TCF20: variants seen among roughly 807,000 people sequenced by gnomAD.
TCF20 encodes SPRE-binding protein.
In TCF20, 3 loss-of-function variants were observed where a neutral mutation model predicts 148.6. The observed-to-expected ratio is 0.02, with a 90% CI of 0.01 to 0.05. The LOEUF is 0.05. Among genes scored for constraint, TCF20 ranks in the 10% least tolerant of loss-of-function variants. The pLI, the probability that TCF20 is intolerant of heterozygous loss-of-function variation, is 1.00. For synonymous variants in TCF20, 1,049 were observed against 909.5 expected, an observed-to-expected ratio of 1.15 and a Z score of -2.76; for missense variants, 2,350 against 2,429.3, an observed-to-expected ratio of 0.97 and a Z score of 0.69.
At chr22:42,324,615 C>T (rs1601707375) in intron 1 of TCF20, among the ~76,000 whole-genome samples, 1 of 151,914 alleles carries the variant, frequency 6.6e-6, no homozygotes, top group Non-Finnish European at 1.5e-5. Flanking sequence ...AGATAATCTC[C>T]ACCATCCGAG....
At chr22:42,271,326 C>T (rs944686472), upstream of TCF20, among the ~76,000 whole-genome samples, 1 of 152,250 alleles carries the variant, frequency 6.6e-6, no homozygotes, top group Non-Finnish European at 1.5e-5. Context: ...CTCCAGCTGC[C>T]TTCTGCTGCG....
At chr22:42,341,494 C>T (rs1296011570) in intron 1 of TCF20, among the ~76,000 whole-genome samples, 1 of 152,106 alleles carries the variant, frequency 6.6e-6, no homozygotes, top group Admixed American at 6.5e-5. Context: ...AGGACCTGGG[C>T]CCCTGAACTC....
chr22:42,277,706 T>G (rs1310106673), intron 1 of TCF20, among the ~76,000 whole-genome samples: 1 of 152,150 alleles, frequency 6.6e-6, no homozygotes, highest in Admixed American at 6.5e-5. Context: ...AAAGAGGAGA[T>G]GATGAAGGAT....
At chr22:42,223,430 T>C (rs1228154680) in intron 1 of TCF20, among the ~76,000 whole-genome samples, 1 of 152,174 alleles carries the variant, frequency 6.6e-6, no homozygotes, top group Non-Finnish European at 1.5e-5. Flanking sequence ...GACACACACT[T>C]GGGTCAGATC....
rs1927423346 is a variant in TCF20 at position 42,305,922 on chromosome 22, G to A, written c.-37+37557C>T. ...GCACTGGCAGCCGTGGAGGGCAGGG[G>A]TGCTCCTGGGGGCTCGGAGACCTCT... On this transcript the variant is annotated intron_variant, in intron 1 of 1. Coordinates refer to the TCF20 transcript ENST00000515426. 2.0e-5 allele frequency among the ~76,000 whole-genome samples: 3 copies of A among 152,214 alleles called. No homozygotes were observed. The South Asian group carries it at 6.2e-4, about 31-fold the overall frequency.
chr22:42,220,082 G>A (rs567029824), intron 1 of TCF20, among the ~76,000 whole-genome samples: 2 of 152,154 alleles, frequency 1.3e-5, no homozygotes, highest in South Asian at 4.2e-4. Flanking sequence ...CCTATTAGAG[G>A]GCTGATGACC....
chr22:42,215,406 G>C (rs1022115446), intron 1 of TCF20, 65 bp from the exon 2 acceptor site: 2 of 1,491,880 alleles, frequency 1.3e-6, no homozygotes, highest in African/African-American at 2.8e-5. Context: ...ATCAAGTCTA[G>C]ATGATGGAGG....
intron 5 of TCF20, among the ~76,000 whole-genome samples, chr22:42,165,330 C>A (rs571360291): frequency 3.3e-5 from 5 of 152,372 alleles, no homozygotes; most frequent in African/African-American, 1.2e-4. Context: ...GGGTACATAG[C>A]ATCCAGGATG....
chr22:42,180,657 G>A (rs773917530), intron 2 of TCF20, among the ~76,000 whole-genome samples: 3 of 152,120 alleles, frequency 2.0e-5, no homozygotes, highest in East Asian at 1.9e-4. Flanking sequence ...TCAGGCCCCC[G>A]ACACAGATAC....
chr22:42,342,705 C>T (rs910073868), intron 1 of TCF20, among the ~76,000 whole-genome samples: 5 of 152,214 alleles, frequency 3.3e-5, no homozygotes, highest in Admixed American at 6.5e-5. Context: ...CAGAGCCCGA[C>T]CCTACTTCCG....
At chr22:42,189,453 C>A (rs1463424330) in intron 2 of TCF20, among the ~76,000 whole-genome samples, 3 of 152,212 alleles carry the variant, frequency 2.0e-5, no homozygotes, top group African/African-American at 7.2e-5. Flanking sequence ...AAAATCTCAA[C>A]TGGTCAGGAA....
In TCF20 at chr22:42,210,201, T is replaced by C. The variant is rs1472645891; in HGVS notation, c.5105A>G (p.His1702Arg). 10 of 1,614,118 alleles carry C rather than the reference T, an allele frequency of 6.2e-6. No homozygotes were observed. In the East Asian group the frequency reaches 6.7e-5, roughly 11 times the overall value. Residue 1702 changes from histidine to arginine, a missense_variant, in exon 2 of 6, where the codon CAC becomes CGC. His to Arg is a conservative substitution (Grantham distance 29). Around this residue, in one of 7 missense-constraint regions of TCF20, gnomAD observed 374 missense variants for 398.3 expected, o/e 0.94. Coordinates refer to ENST00000677622, the MANE Select transcript of TCF20 (RefSeq NM_001378418.1). This position sits in a 1 kb window ranked among gnomAD's most constrained non-coding sequence, Gnocchi z 4.7. ...CTTGCCACACAGACAGCAAACCAGGTGCCCCATAACCGAAGACTCTGTCAC... is the reference window on the plus strand; with the variant it reads ...CTTGCCACACAGACAGCAAACCAGGCGCCCCATAACCGAAGACTCTGTCAC... ...PVVTESSVMG[H>R]LVCCLCGKWA...
chr22:42,282,341 C>G (rs907815378), intron 1 of TCF20, among the ~76,000 whole-genome samples: 3 of 152,242 alleles, frequency 2.0e-5, no homozygotes, highest in African/African-American at 7.2e-5. Context: ...CCTGCCTGAG[C>G]CCTGTGGCAG....
chr22:42,194,839 A>C (rs1371951189), intron 2 of TCF20, among the ~76,000 whole-genome samples: 4 of 151,896 alleles, frequency 2.6e-5, no homozygotes, highest in Non-Finnish European at 4.4e-5. Context: ...TGGGGAGGGC[A>C]GGCCTCTGAG....
Position 42,213,946 on chromosome 22 carries a change from T to A in TCF20, c.1360A>T (p.Ser454Cys). Residue 454 changes from serine to cysteine, a missense_variant, in exon 2 of 6, where the codon AGT becomes TGT. Around this residue, in one of 7 missense-constraint regions of TCF20, gnomAD observed 1,641 missense variants for 1,662.6 expected, o/e 0.99. Coordinates refer to ENST00000677622, the MANE Select transcript of TCF20 (RefSeq NM_001378418.1). ...TGAGTACTCAGAGCACTCAAACTAC[T>A]CAACCCAGGATCTGTCAGTCGCTTT... ...PEKRLTDPGL[S>C]SLSALSTQVA... 1 of 1,614,180 alleles carries A rather than the reference T, an allele frequency of 6.2e-7. No individual in the cohort carries two copies. Among genetic ancestry groups the A allele is most frequent in the Non-Finnish European group, 8.5e-7 (1 of 1,180,018 alleles).
intron 3 of TCF20, among the ~76,000 whole-genome samples, chr22:42,174,031 C>G (rs937433500): frequency 5.9e-5 from 9 of 152,144 alleles, no homozygotes; most frequent in Admixed American, 5.9e-4. Flanking sequence ...TAATGAGGGT[C>G]CTGCGCTTCT....
In TCF20 at chr22:42,188,293, C is replaced by CAAAAAAAAAAAA. The variant is rs58945649; in HGVS notation, c.5656-8603_5656-8592dup. On this transcript the variant is annotated intron_variant, in intron 2 of 5. Transcript: ENST00000677622. ...GGGCAACAAGAGTGAAACTCCGTCT[C>CAAAAAAAAAAAA]AAAAAAAAAAAAAAAAAAAAAAAAA... Among the ~76,000 whole-genome samples the CAAAAAAAAAAAA allele has an allele frequency of 9.3e-3, 461 of 49,428 alleles. 115 individuals carry two copies. Among genetic ancestry groups the CAAAAAAAAAAAA allele is most frequent in the Non-Finnish European group, 0.014 (331 of 23,466 alleles). 32.4% of individuals were successfully genotyped at this position (49,428 alleles called of 152,430 possible). A position where few individuals can be genotyped will look rare whatever the true frequency, so the allele number is the denominator to read the frequency against.
In TCF20 at chr22:42,212,370, C is replaced by T; in HGVS notation, c.2936G>A (p.Gly979Asp). ...AATHDSLSDYGPQDSRPTPMR... is the reference protein window; with the variant it reads ...AATHDSLSDYDPQDSRPTPMR... ...TGGCGTGGGTCTGCTGTCTTGCGGG[C>T]CATAGTCTGAAAGGGAATCATGGGT... Residue 979 changes from glycine (G) to aspartate (D), a missense_variant, in exon 2 of 6, where the codon GGC becomes GAC. Gly to Asp is a moderately conservative substitution (Grantham distance 94). This residue lies in a region of TCF20 where 1,641 missense variants were observed against 1,662.6 expected (regional missense o/e 0.99). Coordinates refer to ENST00000677622, the MANE Select transcript of TCF20 (RefSeq NM_001378418.1). 2.5e-6 allele frequency: 4 copies of T among 1,614,214 alleles called. No homozygotes were observed. The highest frequency in any genetic ancestry group is 3.4e-6 in the Non-Finnish European group (4 of 1,180,040).
chr22:42,177,135 C>T (rs1322862642), intron 3 of TCF20, among the ~76,000 whole-genome samples: 1 of 152,136 alleles, frequency 6.6e-6, no homozygotes, highest in Admixed American at 6.5e-5. Context: ...GTAAAAAACG[C>T]TGGGCGCGGT....
Sources: gnomAD v4.1 joint callset for allele counts (sites outside exome capture counted in the v4.1 genomes callset) on GRCh38, gnomAD v4.1.1 for gene constraint, gnomAD v4.1.1 regional missense constraint, Gnocchi (gnomAD v3.1) non-coding constraint, MANE v1.5 for transcripts, NCBI Gene and HGNC (gene_info 2026-07-23, HGNC 2026-07-21) for gene names.